The following DOCK3 variants were observed in gnomAD, a reference collection of about 807,000 sequenced individuals.
DOCK3 encodes the protein dedicator of cytokinesis 3, also known as dedicator of cytokinesis protein 3.
In DOCK3, 60 loss-of-function variants were observed where a neutral mutation model predicts 265.6. The ratio of observed to expected loss-of-function variants is 0.23; its 90% CI spans 0.18 to 0.28. DOCK3 has a LOEUF of 0.28. DOCK3 is among the 10% of genes least tolerant of loss of function. The pLI, the probability that DOCK3 is intolerant of heterozygous loss-of-function variation, is 1.00. For synonymous variants in DOCK3, 881 were observed against 938.0 expected (o/e 0.94, Z 1.11); for missense variants, 1,981 against 2,594.3 (o/e 0.76, Z 5.14).
At chr3:50,697,387 C>G (rs941250066) in intron 1 of DOCK3, among the ~76,000 whole-genome samples, 1 of 151,722 alleles carries the variant, frequency 6.6e-6, no homozygotes, top group African/African-American at 2.4e-5. Context: ...GTCAGGAGTT[C>G]GAGGCCAGCC....
intron 5 of DOCK3, among the ~76,000 whole-genome samples, chr3:51,035,344 T>C (rs2080226109): frequency 6.6e-6 from 1 of 152,122 alleles, no homozygotes; most frequent in Admixed American, 6.6e-5. Context: ...AACTCTTTCG[T>C]CATTTTTATT....
At position 50,901,834 on chromosome 3, in the gene DOCK3, G is replaced by A. The variant is rs955339261; in HGVS notation, c.218+11753G>A. On this transcript the variant is annotated intron_variant, in intron 4 of 52. Coordinates refer to ENST00000266037, the MANE Select transcript of DOCK3 (RefSeq NM_004947.5). ...CTAACCAGTCCCAATGAGATGAACC[G>A]TGTACCTCACTTGGAAATGTTGAAA... Among the ~76,000 whole-genome samples, 8 of 152,252 alleles carry A rather than the reference G, an allele frequency of 5.3e-5. No homozygotes were observed. In the South Asian group the frequency reaches 8.3e-4, roughly 16 times the overall value.
chr3:50,821,339 G>A (rs1361823175), intron 2 of DOCK3, among the ~76,000 whole-genome samples: 5 of 150,756 alleles, frequency 3.3e-5, no homozygotes, highest in African/African-American at 1.2e-4. Flanking sequence ...TCACTTTGTC[G>A]CCCAGGCTGG....
At position 50,911,125 on chromosome 3, in the gene DOCK3, T is replaced by C. The variant is rs888188610; in HGVS notation, c.218+21044T>C. The stretch of plus-strand genomic sequence containing the variant: ...TCTATAGGTTGTCTTTTCACTTTCT[T>C]GATTGCCTCTTTATCCGTGCAGAAG... On this transcript the variant is annotated intron_variant, in intron 4 of 52. Coordinates refer to ENST00000266037, the MANE Select transcript of DOCK3 (RefSeq NM_004947.5). Among the ~76,000 whole-genome samples, 19 of 152,116 alleles carry C rather than the reference T, an allele frequency of 1.2e-4. 1 individual carries two copies. The highest frequency in any genetic ancestry group is 4.6e-4 in the African/African-American group (19 of 41,358).
At position 51,090,237 on chromosome 3, in the gene DOCK3, C is replaced by T; in HGVS notation, c.599C>T (p.Thr200Ile). The change falls in exon 9 of 53, where the codon ACA becomes ATA. Residue 200 changes from threonine (T) to isoleucine (I), a missense_variant. Coordinates refer to ENST00000266037, the MANE Select transcript of DOCK3 (RefSeq NM_004947.5). ...TTTTTTCTTCCTCATTAGGTAGATA[C>T]AATGCGCCCACGTCATGGGGAAACA... The part of the protein sequence containing the change: ...SVQQSTSQVD[T>I]MRPRHGETCR... 6.3e-7 allele frequency: 1 copy of T among 1,584,420 alleles called. No individual in the cohort carries two copies. The highest frequency in any genetic ancestry group is 8.6e-7 in the Non-Finnish European group (1 of 1,165,042).
At chr3:51,291,646 C>A (rs1475661082) in intron 27 of DOCK3, among the ~76,000 whole-genome samples, 1 of 152,180 alleles carries the variant, frequency 6.6e-6, no homozygotes, top group African/African-American at 2.4e-5. Context: ...TAGATGGCTT[C>A]ACAGTTGAAT....
chr3:50,763,570 ACTG>A (rs1429922142), intron 1 of DOCK3, among the ~76,000 whole-genome samples: 1 of 152,176 alleles, frequency 6.6e-6, no homozygotes, highest in African/African-American at 2.4e-5. Flanking sequence ...GGTGTGAGCC[ACTG>A]CACCTGGCCT....
At chr3:51,122,841 G>A (rs950971685) in intron 9 of DOCK3, among the ~76,000 whole-genome samples, 2 of 152,230 alleles carry the variant, frequency 1.3e-5, no homozygotes, top group Non-Finnish European at 2.9e-5. Flanking sequence ...AGGACATAGA[G>A]ATAGATTAGG....
At chr3:51,143,373 G>A (rs969842461) in intron 9 of DOCK3, among the ~76,000 whole-genome samples, 5 of 151,276 alleles carry the variant, frequency 3.3e-5, no homozygotes, top group Admixed American at 1.3e-4. Context: ...GGGTTCAAGC[G>A]ATTCTTCTGT....
intron 4 of DOCK3, among the ~76,000 whole-genome samples, chr3:50,931,816 G>A (rs902719430): frequency 2.0e-5 from 3 of 152,194 alleles, no homozygotes; most frequent in Non-Finnish European, 4.4e-5. Context: ...TCTGCTTTCC[G>A]CTGTGAGAGA....
chr3:51,181,733 C>T (rs1031428521), intron 12 of DOCK3, among the ~76,000 whole-genome samples: 1 of 151,966 alleles, frequency 6.6e-6, no homozygotes, highest in African/African-American at 2.4e-5. Context: ...GAGAAGGATG[C>T]GGGATTGAAG....
intron 23 of DOCK3, among the ~76,000 whole-genome samples, chr3:51,264,829 AAAATAAAT>A (rs71084138): frequency 3.5e-5 from 5 of 142,160 alleles, no homozygotes; most frequent in African/African-American, 1.0e-4. Context: ...TCAGTCTCAA[AAAATAAAT>A]AAATAAATAA....
At chr3:51,280,037 C>A in intron 26 of DOCK3, 69 bp from the exon 27 acceptor site, 1 of 1,305,612 alleles carries the variant, frequency 7.7e-7, no homozygotes, top group Non-Finnish European at 1.1e-6. Flanking sequence ...TCTCCTTGCC[C>A]TCTATGGATT....
At chr3:51,068,432 C>T (rs1029711669) in intron 6 of DOCK3, among the ~76,000 whole-genome samples, 36 of 144,142 alleles carry the variant, frequency 2.5e-4, no homozygotes, top group African/African-American at 8.7e-4. Context: ...CCCAGCTACT[C>T]GGGAGGGTGA....
In DOCK3 at chr3:51,123,771, G is replaced by A. The variant is rs1000237823; in HGVS notation, c.747-22778G>A. Among the ~76,000 whole-genome samples, 3 of 152,184 alleles carry A rather than the reference G, an allele frequency of 2.0e-5. No homozygotes were observed. In the East Asian group the frequency reaches 5.8e-4, roughly 29 times the overall value. On this transcript the variant is annotated intron_variant, in intron 9 of 52. Coordinates refer to ENST00000266037, the MANE Select transcript of DOCK3 (RefSeq NM_004947.5). Reference sequence around the variant, plus strand: ...TAAATTCCGAGCTCCCAGGAGGGAAGCAGGTATTTAACATAAGCCGTATTG... The same window carrying A: ...TAAATTCCGAGCTCCCAGGAGGGAAACAGGTATTTAACATAAGCCGTATTG...
intron 5 of DOCK3, among the ~76,000 whole-genome samples, chr3:51,047,463 GA>G (rs71633057): frequency 0.9 from 136,344 of 151,244 alleles, 61,646 homozygotes; most frequent in African/African-American, 0.95. Flanking sequence ...GAAAACAATA[GA>G]AAAAAATCAA....
At chr3:51,176,148 CA>C (rs1422757319) in intron 12 of DOCK3, among the ~76,000 whole-genome samples, 1 of 152,194 alleles carries the variant, frequency 6.6e-6, no homozygotes, top group Non-Finnish European at 1.5e-5. Flanking sequence ...AAAGTGAGTT[CA>C]GGGTGACTCT....
At chr3:50,903,015 A>G (rs1035013383) in intron 4 of DOCK3, among the ~76,000 whole-genome samples, 1 of 152,142 alleles carries the variant, frequency 6.6e-6, no homozygotes, top group Non-Finnish European at 1.5e-5. Flanking sequence ...TTTTTGCACT[A>G]TTGACTTTAT....
chr3:50,878,309 G>A (rs909443495), intron 3 of DOCK3, among the ~76,000 whole-genome samples: 2 of 152,150 alleles, frequency 1.3e-5, no homozygotes, highest in Non-Finnish European at 2.9e-5. Context: ...GGCTTCGGAC[G>A]ATTGGTAATA....
Sources: gnomAD v4.1 joint callset for allele counts (sites outside exome capture counted in the v4.1 genomes callset) on GRCh38, gnomAD v4.1.1 for gene constraint, MANE v1.5 for transcripts, NCBI Gene and HGNC (gene_info 2026-07-23, HGNC 2026-07-21) for gene names.